Variants in GPR174 observed in about 807,000 individuals in gnomAD.
GPR174 encodes probable G protein-coupled receptor 174.
A neutral mutation model predicts 16.5 loss-of-function variants in GPR174; 8 were observed. The ratio of observed to expected loss-of-function variants is 0.48; its 90% CI spans 0.28 to 0.87. The LOEUF (loss-of-function observed/expected upper bound fraction) is 0.87. Among genes scored for constraint, GPR174 ranks in the 40% least tolerant of loss-of-function variants. GPR174 has a pLI of 0.09. For missense variants in GPR174, 214 were observed against 247.5 expected, an observed-to-expected ratio of 0.86 and a Z score of 0.91; for synonymous variants, 111 against 94.8, an observed-to-expected ratio of 1.17 and a Z score of -0.99.
rs1456078711 is a variant in GPR174 at position 79,170,810 on chromosome X, A to G, written c.-198A>G. ...ATGTAGTTACTCTAGAGAAATCTAA[A>G]TCAAAAATGCAGATCATTCTTTGAA... On this transcript the variant is annotated 5_prime_UTR_variant, in exon 3 of 3. Transcript: ENST00000645147. 3 of 421,177 alleles carry G rather than the reference A, an allele frequency of 7.1e-6. No homozygotes were observed. The highest frequency in any genetic ancestry group is 1.2e-5 in the Non-Finnish European group (3 of 245,343). The allele number at this position is 421,177 out of a possible 1,213,427, so 34.7% of individuals were successfully genotyped here. A position where few individuals can be genotyped will look rare whatever the true frequency, so the allele number is the denominator to read the frequency against.
intron 2 of GPR174, among the ~76,000 whole-genome samples, chrX:79,167,421 C>G (rs925550702): frequency 9.0e-6 from 1 of 110,978 alleles, no homozygotes; most frequent in African/African-American, 3.3e-5. Flanking sequence ...AAAAATAGAC[C>G]CTGAGAGGTA....
At position 79,170,249 on chromosome X, in the gene GPR174, A is replaced by G. The variant is rs915160482; in HGVS notation, c.-556-203A>G. 6.3e-5 allele frequency among the ~76,000 whole-genome samples: 7 copies of G among 111,837 alleles called. No homozygotes were observed. In the Admixed American group the frequency reaches 6.7e-4, roughly 11 times the overall value. ...CGTCATTCGTTCATGAATTTTGAGT[A>G]ACAAGGGGCTAGATTACTTCTCATG... On this transcript the variant is annotated intron_variant, in intron 2 of 2. Transcript: ENST00000645147.
chrX:79,150,570 A>AT (rs1313126849), intron 1 of GPR174, among the ~76,000 whole-genome samples: 1 of 111,774 alleles, frequency 8.9e-6, no homozygotes, highest in Non-Finnish European at 1.9e-5. Context: ...AGTTCTTTAT[A>AT]TTTTTCTGCA....
chrX:79,151,049 C>A (rs1469472895), intron 1 of GPR174, among the ~76,000 whole-genome samples: 1 of 110,467 alleles, frequency 9.1e-6, no homozygotes, highest in Non-Finnish European at 1.9e-5. Context: ...TATTCTAAAT[C>A]AAGTATATTT....
At chrX:79,153,093 C>T (rs1377435419) in intron 1 of GPR174, among the ~76,000 whole-genome samples, 1 of 112,278 alleles carries the variant, frequency 8.9e-6, no homozygotes, top group Non-Finnish European at 1.9e-5. Flanking sequence ...ATCAGTGAAT[C>T]GCTGTTTTCA....
chrX:79,165,051 A>G (rs913930826), intron 2 of GPR174, among the ~76,000 whole-genome samples: 17 of 111,546 alleles, frequency 1.5e-4, no homozygotes, highest in African/African-American at 5.2e-4. Flanking sequence ...TAGAGTAATT[A>G]CTGAGAGGCC....
intron 1 of GPR174, among the ~76,000 whole-genome samples, chrX:79,147,421 C>T (rs17317518): frequency 0.18 from 19,259 of 107,429 alleles, 1,421 homozygotes; most frequent in Middle Eastern, 0.34. Context: ...CCCAAAGGCC[C>T]TAATATTGTA....
intron 1 of GPR174, among the ~76,000 whole-genome samples, chrX:79,153,143 T>C (rs1921017338): frequency 8.9e-6 from 1 of 112,374 alleles, no homozygotes; most frequent in Admixed American, 9.4e-5. Flanking sequence ...TTAAGGTCTG[T>C]TGTATGTTTC....
intron 2 of GPR174, among the ~76,000 whole-genome samples, chrX:79,160,929 T>C (rs1281391376): frequency 9.0e-6 from 1 of 111,204 alleles, no homozygotes; most frequent in African/African-American, 3.3e-5. Flanking sequence ...AAATTTCCAT[T>C]TAAGATTGCT....
intron 1 of GPR174, among the ~76,000 whole-genome samples, chrX:79,148,443 T>G (rs1177689231): frequency 8.9e-6 from 1 of 112,111 alleles, no homozygotes; most frequent in Non-Finnish European, 1.9e-5. Context: ...AGCTAAAATT[T>G]TTTTCAGCTT....
chrX:79,165,448 C>T lies in GPR174; in HGVS notation c.-556-5004C>T, dbSNP rs1371250808. On this transcript the variant is annotated intron_variant, in intron 2 of 2. Coordinates refer to ENST00000645147, the MANE Select transcript of GPR174 (RefSeq NM_032553.3). ...TACTGACATTTCCAGGGAAAGCTTG[C>T]CAAGTTTAAGTTCCTGGGCCCCATC... Among the ~76,000 whole-genome samples, 3 of 111,162 alleles carry T rather than the reference C, an allele frequency of 2.7e-5. No homozygotes were observed. The Admixed American group carries it at 2.9e-4, about 11-fold the overall frequency.
chrX:79,169,039 T>C (rs1207896401), intron 2 of GPR174, among the ~76,000 whole-genome samples: 1 of 111,845 alleles, frequency 8.9e-6, no homozygotes, highest in Non-Finnish European at 1.9e-5. Flanking sequence ...TATTCATAAA[T>C]AAAAAACAAT....
chrX:79,171,943 C>G lies in GPR174; in HGVS notation c.936C>G (p.Ile312Met). Residue 312 changes from isoleucine to methionine, a missense_variant, in exon 3 of 3, where the codon ATC becomes ATG. Ile to Met is a conservative substitution (Grantham distance 10). Coordinates refer to ENST00000645147, the MANE Select transcript of GPR174 (RefSeq NM_032553.3). ...CAAGACAAGATTTGCATGACAGCATCCAACTCCATGCAAAATCCTTTGTGA... is the reference window on the plus strand; with the variant it reads ...CAAGACAAGATTTGCATGACAGCATGCAACTCCATGCAAAATCCTTTGTGA... ...RLSRQDLHDS[I>M]QLHAKSFVSN... 1 of 1,208,678 alleles carries G rather than the reference C, an allele frequency of 8.3e-7. No individual in the cohort carries two copies. Among genetic ancestry groups the G allele is most frequent in the Non-Finnish European group, 1.1e-6 (1 of 894,001 alleles).
In GPR174 at chrX:79,145,050, CTTTCT is replaced by C. The variant is rs1413675421; in HGVS notation, c.-818_-814del. 2.2e-5 allele frequency: 1 copy of C among 45,572 alleles called. No individual in the cohort carries two copies. The highest frequency in any genetic ancestry group is 4.5e-5 in the Non-Finnish European group (1 of 22,201). 3.8% of individuals were successfully genotyped at this position (45,572 alleles called of 1,213,427 possible). ...TCTTTCTTTCTTTCTTTCTTTCTTT[CTTTCT>C]TTCTTTCTTTTTTTTCTCCTTTTGC... On this transcript the variant is annotated 5_prime_UTR_variant, in exon 1 of 3. Transcript: ENST00000645147.
In GPR174 at chrX:79,145,018, CTTTCTTTCTTTCTTTCTT is replaced by C. The variant is rs1471615872; in HGVS notation, c.-851_-834del. On this transcript the variant is annotated 5_prime_UTR_variant, in exon 1 of 3. Coordinates refer to ENST00000645147, the MANE Select transcript of GPR174 (RefSeq NM_032553.3). Reference sequence around the variant, plus strand: ...TCTCTCTCTCTCTCTTTCTTTCTTTCTTTCTTTCTTTCTTTCTTTCTTTCTTTCTTTCTTTCTTTCTTT... The same window carrying C: ...TCTCTCTCTCTCTCTTTCTTTCTTTCTCTTTCTTTCTTTCTTTCTTTCTTT... The C allele has an allele frequency of 6.9e-4, 29 of 41,852 alleles. No homozygotes were observed. Among genetic ancestry groups the C allele is most frequent in the African/African-American group, 3.4e-3 (28 of 8,337 alleles). 3.4% of individuals were successfully genotyped at this position (41,852 alleles called of 1,213,427 possible).
At chrX:79,151,223 A>G (rs1176365720) in intron 1 of GPR174, among the ~76,000 whole-genome samples, 2 of 111,560 alleles carry the variant, frequency 1.8e-5, no homozygotes, top group Non-Finnish European at 3.8e-5. Flanking sequence ...CGATATACTA[A>G]GGATTGGGCA....
intron 2 of GPR174, among the ~76,000 whole-genome samples, chrX:79,169,004 C>T (rs1158840632): frequency 9.0e-6 from 1 of 111,251 alleles, no homozygotes; most frequent in East Asian, 2.8e-4. Flanking sequence ...CTAAGTAAAG[C>T]TTCAGATTTG....
Position 79,172,003 on chromosome X carries a change from A to T in GPR174, c.996A>T (p.Leu332Phe). The T allele has an allele frequency of 8.5e-7, 1 of 1,181,519 alleles. No individual in the cohort carries two copies. The highest frequency in any genetic ancestry group is 1.1e-6 in the Non-Finnish European group (1 of 880,995). ...CAGCTTCCACCATGACACCTGAATT[A>T]TGCTAAAACAAAAAACCAAACTGAA... ...NHTASTMTPE[L>F]C The change falls in exon 3 of 3, where the codon TTA becomes TTT. Residue 332 changes from leucine to phenylalanine, a missense_variant. Transcript: ENST00000645147.
chrX:79,170,984 A>G lies in GPR174; in HGVS notation c.-24A>G. On this transcript the variant is annotated 5_prime_UTR_variant, in exon 3 of 3. Coordinates refer to ENST00000645147, the MANE Select transcript of GPR174 (RefSeq NM_032553.3). ...TTTAGTTTTGAACCACCATTAGGCA[A>G]AGATAGTTTCTCTAGAGAGAATCAT... 1 of 1,150,478 alleles carries G rather than the reference A, an allele frequency of 8.7e-7. No individual in the cohort carries two copies. The highest frequency in any genetic ancestry group is 1.2e-6 in the Non-Finnish European group (1 of 860,722). The allele number at this position is 1,150,478 out of a possible 1,213,427, so 94.8% of individuals were successfully genotyped here. A position where few individuals can be genotyped will look rare whatever the true frequency, so the allele number is the denominator to read the frequency against.
Sources: gnomAD v4.1 joint callset for allele counts (sites outside exome capture counted in the v4.1 genomes callset) on GRCh38, gnomAD v4.1.1 for gene constraint, MANE v1.5 for transcripts, NCBI Gene and HGNC (gene_info 2026-07-23, HGNC 2026-07-21) for gene names.